TFAP2D: variants seen among roughly 807,000 people sequenced by gnomAD.
TFAP2D encodes transcription factor AP-2-delta.
In TFAP2D, 9 loss-of-function variants were observed where a neutral mutation model predicts 43.6. That is an observed-to-expected ratio of 0.21 (90% CI 0.12 to 0.36). The LOEUF (loss-of-function observed/expected upper bound fraction) is 0.36. TFAP2D is among the 10% of genes least tolerant of loss of function. The pLI is 1.00. For missense variants in TFAP2D, 513 were observed against 561.4 expected (o/e 0.91, Z 0.87); for synonymous variants, 256 against 224.9 (o/e 1.14, Z -1.24).
rs369070548 is a variant in TFAP2D at position 50,772,642 on chromosome 6, C to T, written c.1140-3C>T. 114 of 1,613,122 alleles carry T rather than the reference C, an allele frequency of 7.1e-5. No individual in the cohort carries two copies. Among genetic ancestry groups the T allele is most frequent in the Non-Finnish European group, 9.5e-5 (112 of 1,179,410 alleles). On this transcript the variant is annotated splice_region_variant and splice_polypyrimidine_tract_variant and intron_variant, in intron 7 of 7. Transcript: ENST00000008391. ...CTTTTTTCCTATCACTTCTCATTTC[C>T]AGTTTGATCACTCATGGCTTTGGGA...
At chr6:50,757,639 ATTATTCTATATATATAGAATATATATAAT>A (rs1769297578) in intron 7 of TFAP2D, among the ~76,000 whole-genome samples, 1 of 70,580 alleles carries the variant, frequency 1.4e-5, no homozygotes, top group African/African-American at 6.0e-5. Flanking sequence ...AATATATATA[ATTATTCTATATATATAGAATATATATAAT>A]TATTCTATAT....
Position 50,772,801 on chromosome 6 carries a change from A to G in TFAP2D, c.1296A>G (p.Lys432=), listed in dbSNP as rs763394103. ...GCCAAGGACATGCCAACTCGGAGAA[A>G]GCTCCCCTGCGGAAAACTTCAGAGG... is the stretch of plus-strand genomic sequence containing the variant. ...DSGQGHANSE[K]APLRKTSEAA... The change falls in exon 8 of 8, where the codon AAA becomes AAG. Residue 432 remains lysine, a synonymous_variant. Transcript: ENST00000008391. 3 of 1,614,116 alleles carry G rather than the reference A, an allele frequency of 1.9e-6. No individual in the cohort carries two copies. The East Asian group carries it at 6.7e-5, about 36-fold the overall frequency.
chr6:50,769,583 C>T (rs1769495677), intron 7 of TFAP2D, among the ~76,000 whole-genome samples: 1 of 152,164 alleles, frequency 6.6e-6, no homozygotes, highest in Non-Finnish European at 1.5e-5. Flanking sequence ...CCTACCTGTG[C>T]TTGATTTTTA....
At chr6:50,771,833 G>A (rs1769533294) in intron 7 of TFAP2D, among the ~76,000 whole-genome samples, 1 of 152,120 alleles carries the variant, frequency 6.6e-6, no homozygotes, top group Non-Finnish European at 1.5e-5. Flanking sequence ...AGTCAGTGTG[G>A]CGATTCCTCA....
At chr6:50,721,143 C>T (rs753758734) in intron 3 of TFAP2D, among the ~76,000 whole-genome samples, 7 of 152,140 alleles carry the variant, frequency 4.6e-5, no homozygotes, top group South Asian at 2.1e-4. Flanking sequence ...TTAGGTGATG[C>T]TTTATTATTC....
chr6:50,714,155 T>TGGC lies in TFAP2D; in HGVS notation c.39+67_39+69dup. On this transcript the variant is annotated intron_variant, in intron 1 of 7. Transcript: ENST00000008391. ...CGCGTGTGTGTGGCGGCGGCGGCGGTGGCGGCGGTGGCGGCGGCGGTGGCA... is the reference window on the plus strand; with the variant it reads ...CGCGTGTGTGTGGCGGCGGCGGCGGTGGCGGCGGCGGTGGCGGCGGCGGTGGCA... The TGGC allele has an allele frequency of 7.3e-6, 11 of 1,508,180 alleles. 1 individual carries two copies. The highest frequency in any genetic ancestry group is 9.8e-6 in the Non-Finnish European group (11 of 1,123,350). The allele number at this position is 1,508,180 out of a possible 1,614,324, so 93.4% of individuals were successfully genotyped here. A position where few individuals can be genotyped will look rare whatever the true frequency, so the allele number is the denominator to read the frequency against.
Position 50,719,097 on chromosome 6 carries a change from T to C in TFAP2D, c.545T>C (p.Val182Ala). The part of the protein sequence containing the change: ...AAGADDLQGS[V>A]EAQCGLVLNG... ...TCTGTTTCTTTTATTAAGGGCTCTG[T>C]GGAGGCCCAGTGTGGGCTTGTTCTC... Residue 182 changes from valine to alanine, a missense_variant, in exon 3 of 8, where the codon GTG becomes GCG. By Grantham distance (64) the Val-to-Ala change is moderately conservative. Transcript: ENST00000008391. 6.2e-7 allele frequency: 1 copy of C among 1,613,968 alleles called. No homozygotes were observed. Among genetic ancestry groups the C allele is most frequent in the East Asian group, 2.2e-5 (1 of 44,864 alleles).
At chr6:50,762,017 G>T (rs980741547) in intron 7 of TFAP2D, among the ~76,000 whole-genome samples, 6 of 151,992 alleles carry the variant, frequency 3.9e-5, no homozygotes, top group African/African-American at 1.4e-4. Flanking sequence ...TTAATGTCAA[G>T]CAATTTCTAA....
At chr6:50,737,690 T>G (rs1258263229) in intron 5 of TFAP2D, among the ~76,000 whole-genome samples, 2 of 152,198 alleles carry the variant, frequency 1.3e-5, no homozygotes, top group Non-Finnish European at 2.9e-5. Context: ...TTGCAATCAA[T>G]TTTTTGAGTT....
intron 3 of TFAP2D, among the ~76,000 whole-genome samples, chr6:50,723,721 T>C (rs912833325): frequency 7.9e-5 from 12 of 152,052 alleles, no homozygotes; most frequent in African/African-American, 2.9e-4. Flanking sequence ...GGGAAAGAGG[T>C]AGCTTTCCCA....
intron 7 of TFAP2D, among the ~76,000 whole-genome samples, chr6:50,758,577 G>A (rs184167660): frequency 6.6e-6 from 1 of 152,016 alleles, no homozygotes; most frequent in East Asian, 1.9e-4. Context: ...AACTCAACTG[G>A]TATTTTCTGA....
intron 1 of TFAP2D, among the ~76,000 whole-genome samples, chr6:50,714,433 TG>T (rs759504297): frequency 6.6e-6 from 1 of 151,388 alleles, no homozygotes; most frequent in Non-Finnish European, 1.5e-5. Flanking sequence ...AAGGGACTGG[TG>T]GGGAAGCAGT....
At chr6:50,743,615 G>C (rs1769084752) in intron 5 of TFAP2D, among the ~76,000 whole-genome samples, 1 of 151,922 alleles carries the variant, frequency 6.6e-6, no homozygotes, top group Admixed American at 6.6e-5. Flanking sequence ...GAACTCCTGG[G>C]CTCAAGGGGT....
rs951196444 is a variant in TFAP2D, at chr6:50,740,936, A to G, written c.884-4171A>G. Among the ~76,000 whole-genome samples, 5 of 152,150 alleles carry G rather than the reference A, an allele frequency of 3.3e-5. 1 individual carries two copies. Among genetic ancestry groups the G allele is most frequent in the Admixed American group, 3.3e-4 (5 of 15,268 alleles). On this transcript the variant is annotated intron_variant, in intron 5 of 7. Transcript: ENST00000008391. ...ATGAATGTCACTTAAATTTTTCCTA[A>G]TATTTCTTCCTAATTTTTTACTTTT...
Position 50,713,780 on chromosome 6 carries a change from C to A in TFAP2D, c.-276C>A, listed in dbSNP as rs1768567194. 3.7e-6 allele frequency: 2 copies of A among 544,106 alleles called. No individual in the cohort carries two copies. Among genetic ancestry groups the A allele is most frequent in the East Asian group, 3.3e-5 (1 of 30,620 alleles). 33.7% of individuals were successfully genotyped at this position (544,106 alleles called of 1,614,324 possible). A position where few individuals can be genotyped will look rare whatever the true frequency, so the allele number is the denominator to read the frequency against. On this transcript the variant is annotated 5_prime_UTR_variant, in exon 1 of 8. Transcript: ENST00000008391. ...TCAAAACTTCTATATTACCAAGGGACCTACGACATCAGCCAAAGAAATACT... is the reference window on the plus strand; with the variant it reads ...TCAAAACTTCTATATTACCAAGGGAACTACGACATCAGCCAAAGAAATACT...
At chr6:50,724,582 G>T (rs996352116) in intron 3 of TFAP2D, among the ~76,000 whole-genome samples, 12 of 152,110 alleles carry the variant, frequency 7.9e-5, no homozygotes, top group African/African-American at 2.9e-4. Context: ...CTGAGACGGG[G>T]GAGGCGCGGA....
intron 3 of TFAP2D, among the ~76,000 whole-genome samples, 179 bp from the exon 4 acceptor site, chr6:50,728,676 AC>A (rs779052092): frequency 4.6e-5 from 7 of 152,182 alleles, no homozygotes; most frequent in Non-Finnish European, 4.4e-5. Flanking sequence ...AAAAGACATG[AC>A]CCTGAGTAGT....
At chr6:50,720,900 C>T (rs1768712687) in intron 3 of TFAP2D, among the ~76,000 whole-genome samples, 1 of 152,180 alleles carries the variant, frequency 6.6e-6, no homozygotes, top group Non-Finnish European at 1.5e-5. Context: ...ACCAAGATCA[C>T]CTTCTGAAAT....
chr6:50,714,238 G>C (rs1037239495), intron 1 of TFAP2D, 144 bp downstream of exon 1: 2 of 994,202 alleles, frequency 2.0e-6, no homozygotes, highest in Non-Finnish European at 2.9e-6. Context: ...TCTGTCTTTC[G>C]GGGGAAGTTA....
Sources: allele counts gnomAD v4.1 joint callset (sites outside exome capture counted in the v4.1 genomes callset), GRCh38; gene constraint gnomAD v4.1.1; transcripts MANE v1.5; gene names NCBI Gene and HGNC (gene_info 2026-07-23, HGNC 2026-07-21).